Variants in SPATA6 observed in about 807,000 individuals in gnomAD.
SPATA6 encodes the protein spermatogenesis-associated protein 6.
In SPATA6, 56 loss-of-function variants were observed where a neutral mutation model predicts 65.3. The ratio of observed to expected loss-of-function variants is 0.86; its 90% CI spans 0.69 to 1.07. The LOEUF is 1.07. Among genes scored for constraint, SPATA6 ranks in the 50% least tolerant of loss-of-function variants. The pLI is 0.00. For synonymous variants in SPATA6, 199 were observed against 213.2 expected, an observed-to-expected ratio of 0.93 and a Z score of 0.58; for missense variants, 590 against 594.8, an observed-to-expected ratio of 0.99 and a Z score of 0.08.
intron 3 of SPATA6, among the ~76,000 whole-genome samples, chr1:48,430,047 AAG>A (rs2148054415): frequency 6.6e-6 from 1 of 152,282 alleles, no homozygotes; most frequent in East Asian, 1.9e-4. Flanking sequence ...TGAAGGAGGA[AAG>A]AGAGAGAAAG....
intron 3 of SPATA6, among the ~76,000 whole-genome samples, chr1:48,431,591 C>A (rs1424603558): frequency 5.3e-5 from 8 of 151,918 alleles, no homozygotes; most frequent in South Asian, 2.1e-4. Context: ...TATTCTCTAA[C>A]CACAATGGGA....
intron 1 of SPATA6, 89 bp downstream of exon 1, chr1:48,471,866 AAGG>A: frequency 7.0e-7 from 1 of 1,428,962 alleles, no homozygotes; most frequent in Middle Eastern, 1.8e-4. Flanking sequence ...TCGGAGGGTG[AAGG>A]AGGTTTGGGG....
chr1:48,279,789 C>A, the SPATA6 span, among the ~76,000 whole-genome samples: 11,764 of 152,160 alleles, frequency 0.077, 613 homozygotes, highest in East Asian at 0.23. Flanking sequence ...AGAAAGTTAA[C>A]AAGGATACCC....
chr1:48,306,010 T>A (rs1645053188), intron 11 of SPATA6, 132 bp from the exon 12 acceptor site: 2 of 639,476 alleles, frequency 3.1e-6, no homozygotes, highest in Non-Finnish European at 5.3e-6. Context: ...TAAATGCTAG[T>A]GTTTCTTTGG....
chr1:48,318,897 A>G (rs1645517397), intron 11 of SPATA6, among the ~76,000 whole-genome samples: 1 of 152,204 alleles, frequency 6.6e-6, no homozygotes, highest in Admixed American at 6.5e-5. Context: ...TCAAAATAGT[A>G]TGATAATAGC....
At chr1:48,410,101 C>T (rs536624517) in intron 5 of SPATA6, among the ~76,000 whole-genome samples, 21 of 152,306 alleles carry the variant, frequency 1.4e-4, no homozygotes, top group Admixed American at 2.6e-4. Flanking sequence ...TTCCATTTCC[C>T]TTTTGAAATT....
At chr1:48,461,238 G>C (rs1657406722) in intron 1 of SPATA6, among the ~76,000 whole-genome samples, 1 of 151,876 alleles carries the variant, frequency 6.6e-6, no homozygotes, top group South Asian at 2.1e-4. Flanking sequence ...CTGGATATTA[G>C]CCCTTTGTCA....
At chr1:48,470,050 G>A (rs1444032999) in intron 1 of SPATA6, among the ~76,000 whole-genome samples, 1 of 152,036 alleles carries the variant, frequency 6.6e-6, no homozygotes, top group Admixed American at 6.5e-5. Flanking sequence ...TTAAATGTTT[G>A]TTGGGGAAAA....
chr1:48,392,843 C>T (rs1439107858), intron 8 of SPATA6, among the ~76,000 whole-genome samples: 5 of 151,626 alleles, frequency 3.3e-5, no homozygotes, highest in African/African-American at 1.2e-4. Context: ...TAAGAAATTC[C>T]CATATGTATT....
intron 5 of SPATA6, among the ~76,000 whole-genome samples, chr1:48,407,758 T>C (rs1366640067): frequency 6.6e-6 from 1 of 152,224 alleles, no homozygotes. Flanking sequence ...ACTCTCAATC[T>C]CTTCAAACTG....
rs1200956613 is a variant in SPATA6, at chr1:48,295,594, T to C, written c.*3119A>G. ...GTTGTGGGGAGGAGGTAGTGGGAAGTGATCACTAATGGTTACAGGATTTCT... is the reference window on the plus strand; with the variant it reads ...GTTGTGGGGAGGAGGTAGTGGGAAGCGATCACTAATGGTTACAGGATTTCT... On this transcript the variant is annotated 3_prime_UTR_variant, in exon 13 of 13. Coordinates refer to ENST00000371847, the MANE Select transcript of SPATA6 (RefSeq NM_019073.4). 1.3e-5 allele frequency: 2 copies of C among 152,180 alleles called. No individual in the cohort carries two copies. Among genetic ancestry groups the C allele is most frequent in the African/African-American group, 4.8e-5 (2 of 41,470 alleles). 9.4% of individuals were successfully genotyped at this position (152,180 alleles called of 1,614,324 possible). A position where few individuals can be genotyped will look rare whatever the true frequency, so the allele number is the denominator to read the frequency against.
chr1:48,383,408 T>A (rs1649003934), intron 9 of SPATA6, among the ~76,000 whole-genome samples: 1 of 40,356 alleles, frequency 2.5e-5, no homozygotes, highest in Non-Finnish European at 5.7e-5. Context: ...GGCTCCTCAC[T>A]TCCCAGTAGG....
intron 3 of SPATA6, among the ~76,000 whole-genome samples, chr1:48,450,363 A>C (rs1656451459): frequency 6.6e-6 from 1 of 152,000 alleles, no homozygotes. Context: ...AAATCAGGGA[A>C]ATCAAAGAAA....
At chr1:48,342,615 CAAAA>C (rs56979935) in intron 11 of SPATA6, among the ~76,000 whole-genome samples, 2 of 69,670 alleles carry the variant, frequency 2.9e-5, no homozygotes, top group Non-Finnish European at 2.9e-5. Flanking sequence ...GACTCCATCT[CAAAA>C]AAAAAAAAAA....
At chr1:48,308,142 T>C (rs775815620) in intron 11 of SPATA6, among the ~76,000 whole-genome samples, 4 of 151,988 alleles carry the variant, frequency 2.6e-5, no homozygotes, top group Admixed American at 6.6e-5. Flanking sequence ...TTTTGCTATT[T>C]TCTATGTCTT....
intron 11 of SPATA6, among the ~76,000 whole-genome samples, chr1:48,322,906 A>G (rs541623752): frequency 6.6e-6 from 1 of 152,358 alleles, no homozygotes; most frequent in East Asian, 1.9e-4. Context: ...GCGATCATTA[A>G]AAAGTCACGA....
chr1:48,444,753 C>T (rs754144192), intron 3 of SPATA6, among the ~76,000 whole-genome samples: 1 of 152,126 alleles, frequency 6.6e-6, no homozygotes, highest in Non-Finnish European at 1.5e-5. Flanking sequence ...TCTTTCGGTC[C>T]GTGCCACCTT....
intron 3 of SPATA6, among the ~76,000 whole-genome samples, chr1:48,440,152 G>T (rs1326983541): frequency 1.3e-5 from 2 of 151,872 alleles, no homozygotes; most frequent in African/African-American, 4.8e-5. Context: ...ACATCTCCAA[G>T]GGACCACAAA....
chr1:48,273,502 C>G, the SPATA6 span, among the ~76,000 whole-genome samples: 1 of 152,130 alleles, frequency 6.6e-6, no homozygotes. Flanking sequence ...TCCTCCACCC[C>G]ACAACAGGCC....
Sources: allele counts gnomAD v4.1 joint callset (sites outside exome capture counted in the v4.1 genomes callset), GRCh38; gene constraint gnomAD v4.1.1; transcripts MANE v1.5; gene names NCBI Gene and HGNC (gene_info 2026-07-23, HGNC 2026-07-21).